The following NAALADL2 variants were observed in gnomAD, a reference collection of about 807,000 sequenced individuals.
NAALADL2 encodes inactive N-acetylated-alpha-linked acidic dipeptidase-like protein 2.
In NAALADL2, 76 loss-of-function variants were observed where a neutral mutation model predicts 87.2. The observed-to-expected ratio is 0.87, with a 90% CI of 0.72 to 1.05. The LOEUF is 1.05. NAALADL2 is among the 50% of genes least tolerant of loss of function. NAALADL2 has a pLI of 0.00. For missense variants in NAALADL2, 1,089 were observed against 945.8 expected (o/e 1.15, Z -1.99); for synonymous variants, 354 against 331.0 (o/e 1.07, Z -0.75).
intron 9 of NAALADL2, among the ~76,000 whole-genome samples, chr3:175,540,433 G>A (rs559226332): frequency 2.0e-5 from 3 of 152,250 alleles, no homozygotes; most frequent in Admixed American, 1.3e-4. Flanking sequence ...AGAGCACAGG[G>A]GACAGATTTT....
chr3:174,639,739 C>A (rs1333587966), intron 2 of NAALADL2, among the ~76,000 whole-genome samples: 29 of 152,176 alleles, frequency 1.9e-4, no homozygotes, highest in Admixed American at 1.9e-3. Context: ...TACCTTCTTG[C>A]ATATTTTAAA....
chr3:175,201,845 T>C (rs576430644), intron 2 of NAALADL2, among the ~76,000 whole-genome samples: 1 of 151,308 alleles, frequency 6.6e-6, no homozygotes, highest in East Asian at 1.9e-4. Flanking sequence ...CTAAAGGGAA[T>C]GGCAGAGAGG....
In NAALADL2 at chr3:175,072,650, A is replaced by G. The variant is rs569228782; in HGVS notation, c.44-24140A>G. On this transcript the variant is annotated intron_variant, in intron 1 of 13. Coordinates refer to ENST00000454872, the MANE Select transcript of NAALADL2 (RefSeq NM_207015.3). ...GAGATGTCCAATTGCTTTTCTTTCT[A>G]CTGAGTATAACTATATCCTAGGTTA... Among the ~76,000 whole-genome samples the G allele has an allele frequency of 5.3e-3, 693 of 131,622 alleles. 2 individuals carry two copies. Among genetic ancestry groups the G allele is most frequent in the Middle Eastern group, 0.014 (3 of 208 alleles). 86.3% of individuals were successfully genotyped at this position (131,622 alleles called of 152,430 possible).
intron 9 of NAALADL2, among the ~76,000 whole-genome samples, chr3:175,530,008 C>A (rs1216922664): frequency 2.6e-5 from 4 of 152,248 alleles, no homozygotes; most frequent in African/African-American, 9.6e-5. Flanking sequence ...CTGCTGCTGG[C>A]AAATTGGGCA....
chr3:175,690,655 C>G (rs1042565848), intron 11 of NAALADL2, among the ~76,000 whole-genome samples: 1 of 151,940 alleles, frequency 6.6e-6, no homozygotes, highest in Non-Finnish European at 1.5e-5. Context: ...TCTTAATACC[C>G]ACATTCTCTG....
intron 3 of NAALADL2, among the ~76,000 whole-genome samples, chr3:175,247,896 G>T (rs564146343): frequency 2.6e-5 from 4 of 152,106 alleles, no homozygotes; most frequent in African/African-American, 9.7e-5. Context: ...ATTGGGTCCC[G>T]ATGATCTAAT....
At chr3:175,731,833 C>T (rs147723677) in intron 11 of NAALADL2, among the ~76,000 whole-genome samples, 16 of 152,068 alleles carry the variant, frequency 1.1e-4, no homozygotes, top group African/African-American at 3.1e-4. Context: ...CGCCTTTCTC[C>T]CTCCTCCTTT....
chr3:175,228,846 AC>A (rs1412193450), intron 2 of NAALADL2, among the ~76,000 whole-genome samples: 1 of 151,970 alleles, frequency 6.6e-6, no homozygotes, highest in East Asian at 1.9e-4. Flanking sequence ...GTTGAAAGGA[AC>A]ATTACATGCC....
intron 2 of NAALADL2, among the ~76,000 whole-genome samples, chr3:174,680,075 T>G (rs519493): frequency 0.8 from 122,202 of 151,954 alleles, 49,337 homozygotes; most frequent in East Asian, 0.93. Flanking sequence ...AGAAACTTAA[T>G]AATATAACCA....
chr3:175,424,893 T>C (rs1716515444), intron 5 of NAALADL2, among the ~76,000 whole-genome samples: 2 of 152,178 alleles, frequency 1.3e-5, no homozygotes, highest in Admixed American at 6.6e-5. Context: ...AAGCTTGCAA[T>C]TTTAAATAGA....
chr3:174,545,904 G>T (rs1407262966), intron 1 of NAALADL2, among the ~76,000 whole-genome samples: 2 of 150,044 alleles, frequency 1.3e-5, no homozygotes, highest in African/African-American at 4.9e-5. Context: ...TTCTGTTTTT[G>T]TTTTATTAAT....
At chr3:174,738,427 G>C (rs1198718534) in intron 3 of NAALADL2, among the ~76,000 whole-genome samples, 1 of 152,184 alleles carries the variant, frequency 6.6e-6, no homozygotes, top group Non-Finnish European at 1.5e-5. Context: ...CAAATGTAAG[G>C]AGTTAGATTA....
intron 1 of NAALADL2, among the ~76,000 whole-genome samples, chr3:174,872,286 AC>A (rs1446399256): frequency 6.6e-6 from 1 of 152,186 alleles, no homozygotes; most frequent in Non-Finnish European, 1.5e-5. Context: ...TTTAAGAGTC[AC>A]GTCCACCACA....
intron 2 of NAALADL2, among the ~76,000 whole-genome samples, chr3:174,681,568 A>G (rs966576258): frequency 2.6e-5 from 4 of 152,118 alleles, no homozygotes; most frequent in Non-Finnish European, 4.4e-5. Flanking sequence ...GATCCTGGAC[A>G]TTTCTGGACA....
chr3:174,832,243 T>G (rs1333258526), intron 3 of NAALADL2, among the ~76,000 whole-genome samples: 1 of 152,196 alleles, frequency 6.6e-6, no homozygotes, highest in Non-Finnish European at 1.5e-5. Context: ...CTTATGGGCA[T>G]TTAGTGCTAT....
At chr3:175,518,857 A>G (rs1220007631) in intron 9 of NAALADL2, among the ~76,000 whole-genome samples, 1 of 152,210 alleles carries the variant, frequency 6.6e-6, no homozygotes, top group African/African-American at 2.4e-5. Context: ...CAACTTACAA[A>G]AGGCAGATTA....
intron 9 of NAALADL2, among the ~76,000 whole-genome samples, chr3:175,546,109 C>T (rs1185960127): frequency 6.6e-6 from 1 of 152,116 alleles, no homozygotes; most frequent in Non-Finnish European, 1.5e-5. Flanking sequence ...GGTATTAAGA[C>T]AGCATGAGCA....
intron 13 of NAALADL2, among the ~76,000 whole-genome samples, chr3:175,768,961 G>A (rs1749115589): frequency 6.6e-6 from 1 of 152,026 alleles, no homozygotes. Flanking sequence ...AAGAGAAGCA[G>A]AATATATTTT....
intron 5 of NAALADL2, among the ~76,000 whole-genome samples, chr3:175,355,670 T>C (rs1479217707): frequency 2.0e-5 from 3 of 152,160 alleles, no homozygotes; most frequent in Admixed American, 2.0e-4. Context: ...TGTAAGGTAA[T>C]GATAATAATA....
Sources: gnomAD v4.1 joint callset for allele counts (sites outside exome capture counted in the v4.1 genomes callset) on GRCh38, gnomAD v4.1.1 for gene constraint, MANE v1.5 for transcripts, NCBI Gene and HGNC (gene_info 2026-07-23, HGNC 2026-07-21) for gene names.